The following FSTL5 variants were observed in gnomAD, a reference collection of about 807,000 sequenced individuals.
FSTL5 encodes follistatin like 5, also known as follistatin-related protein 5.
FSTL5 carries 62 observed loss-of-function variants against 89.1 expected under a neutral mutation model. The ratio of observed to expected loss-of-function variants is 0.70; its 90% CI spans 0.57 to 0.86. The LOEUF is 0.86. Ranked by LOEUF, FSTL5 falls within the 40% of genes least tolerant of loss-of-function variation. The pLI, the probability that FSTL5 is intolerant of heterozygous loss-of-function variation, is 0.00. For missense variants in FSTL5, 1,057 were observed against 1,001.6 expected, an observed-to-expected ratio of 1.06 and a Z score of -0.75; for synonymous variants, 383 against 346.2, an observed-to-expected ratio of 1.11 and a Z score of -1.18.
In FSTL5 at chr4:161,429,755, C is replaced by T. The variant is rs187991146; in HGVS notation, c.1841+25249G>A. ...GAAAGCCTTCCCAAGAAGGATAGTA[C>T]GAAGATCCCAGACTGTGAAAACTAC... On this transcript the variant is annotated intron_variant, in intron 15 of 15. Transcript: ENST00000306100. 1.1e-4 allele frequency among the ~76,000 whole-genome samples: 16 copies of T among 152,200 alleles called. No individual in the cohort carries two copies. The East Asian group carries it at 1.6e-3, about 15-fold the overall frequency.
At chr4:161,811,124 G>A (rs1334339353) in intron 4 of FSTL5, among the ~76,000 whole-genome samples, 1 of 152,054 alleles carries the variant, frequency 6.6e-6, no homozygotes, top group African/African-American at 2.4e-5. Flanking sequence ...TAAATAAAGA[G>A]AGGAGAAATG....
chr4:161,415,213 C>T (rs370740390), intron 15 of FSTL5, among the ~76,000 whole-genome samples: 9 of 151,364 alleles, frequency 5.9e-5, no homozygotes, highest in African/African-American at 2.2e-4. Flanking sequence ...TACAATGCTG[C>T]CCACCCCCAG....
chr4:161,498,002 A>C (rs1730146345), intron 12 of FSTL5, among the ~76,000 whole-genome samples: 2 of 151,764 alleles, frequency 1.3e-5, no homozygotes, highest in Non-Finnish European at 2.9e-5. Context: ...ATGTATGCAT[A>C]CATAAACATA....
chr4:161,831,356 A>G (rs1730838999), intron 4 of FSTL5, among the ~76,000 whole-genome samples: 1 of 151,890 alleles, frequency 6.6e-6, no homozygotes, highest in African/African-American at 2.4e-5. Context: ...ACATACCTCT[A>G]ATTACGTGTC....
At chr4:161,828,827 T>C (rs1730748928) in intron 4 of FSTL5, among the ~76,000 whole-genome samples, 1 of 152,064 alleles carries the variant, frequency 6.6e-6, no homozygotes, top group South Asian at 2.1e-4. Context: ...GCTTATTAGT[T>C]TTACAGTGCT....
intron 3 of FSTL5, among the ~76,000 whole-genome samples, chr4:161,974,648 C>T (rs186864659): frequency 0.1 from 12,552 of 119,652 alleles, 700 homozygotes; most frequent in East Asian, 0.2. Flanking sequence ...CCATAAAAAC[C>T]CTAGAAGAAA....
chr4:161,691,881 C>T (rs1271696674), intron 6 of FSTL5, among the ~76,000 whole-genome samples: 1 of 151,818 alleles, frequency 6.6e-6, no homozygotes, highest in Non-Finnish European at 1.5e-5. Flanking sequence ...TGCATCTATG[C>T]TGATTTTTTT....
At chr4:161,777,864 C>T (rs901414777) in intron 4 of FSTL5, among the ~76,000 whole-genome samples, 6 of 151,670 alleles carry the variant, frequency 4.0e-5, no homozygotes, top group Admixed American at 1.3e-4. Flanking sequence ...AAGGCTGAGG[C>T]AGGGGAATCA....
intron 15 of FSTL5, among the ~76,000 whole-genome samples, chr4:161,393,347 C>A (rs1463063854): frequency 1.3e-5 from 2 of 151,708 alleles, no homozygotes; most frequent in Non-Finnish European, 1.5e-5. Flanking sequence ...GCACAATCTA[C>A]TATGTGTGTA....
rs1730023198 is a variant in FSTL5, at chr4:161,495,184, A to G, written c.1458+4832T>C. The G allele has an allele frequency of 5.9e-5, 9 of 152,174 alleles. No individual in the cohort carries two copies. In the South Asian group the frequency reaches 1.7e-3, roughly 28 times the overall value. The allele number at this position is 152,174 out of a possible 1,614,324, so 9.4% of individuals were successfully genotyped here. ...AAAGTTATTTTAGGACCCATTAAAT[A>G]ATAAGTAATACCATGGCATATGTGA... is the stretch of plus-strand genomic sequence containing the variant. On this transcript the variant is annotated intron_variant, in intron 12 of 15. Coordinates refer to ENST00000306100, the MANE Select transcript of FSTL5 (RefSeq NM_020116.5).
intron 7 of FSTL5, among the ~76,000 whole-genome samples, chr4:161,632,604 T>A (rs1312504590): frequency 6.6e-6 from 1 of 152,222 alleles, no homozygotes; most frequent in Non-Finnish European, 1.5e-5. Context: ...CTTGTGCATT[T>A]AACTCTGTGA....
chr4:161,606,178 A>G (rs1295839988), intron 7 of FSTL5, among the ~76,000 whole-genome samples: 1 of 151,892 alleles, frequency 6.6e-6, no homozygotes, highest in Non-Finnish European at 1.5e-5. Flanking sequence ...GTGAAGTTCA[A>G]TCGAGATCGG....
At chr4:162,053,453 A>G (rs1252869337) in intron 2 of FSTL5, among the ~76,000 whole-genome samples, 4 of 151,814 alleles carry the variant, frequency 2.6e-5, no homozygotes, top group Non-Finnish European at 4.4e-5. Flanking sequence ...CAAAATTCTC[A>G]AAGAGAACTA....
chr4:161,665,141 A>T (rs554483673), intron 6 of FSTL5, among the ~76,000 whole-genome samples: 1 of 152,236 alleles, frequency 6.6e-6, no homozygotes, highest in Non-Finnish European at 1.5e-5. Context: ...CAATTTACCA[A>T]TGTAACAAAC....
chr4:162,043,109 A>G (rs948920564), intron 2 of FSTL5: 1 of 152,140 alleles, frequency 6.6e-6, no homozygotes, highest in Non-Finnish European at 1.5e-5. Flanking sequence ...AAAAAACAAA[A>G]CAAACAACAA....
chr4:161,415,699 G>C (rs77835790), intron 15 of FSTL5, among the ~76,000 whole-genome samples: 6,892 of 149,518 alleles, frequency 0.046, 403 homozygotes, highest in East Asian at 0.19. Flanking sequence ...GAAAGAGAGA[G>C]AGAGAGAACA....
chr4:161,543,466 A>T (rs1731901734), intron 8 of FSTL5, among the ~76,000 whole-genome samples: 2 of 151,978 alleles, frequency 1.3e-5, no homozygotes, highest in Non-Finnish European at 2.9e-5. Context: ...TCGAGAAATT[A>T]AAAAAACTTA....
At chr4:162,042,647 A>C (rs75151456) in intron 2 of FSTL5, among the ~76,000 whole-genome samples, 1 of 152,064 alleles carries the variant, frequency 6.6e-6, no homozygotes, top group African/African-American at 2.4e-5. Context: ...CTTTTAAAAA[A>C]CCTATCCATG....
At chr4:161,984,122 T>C (rs1375882886) in intron 3 of FSTL5, among the ~76,000 whole-genome samples, 1 of 152,214 alleles carries the variant, frequency 6.6e-6, no homozygotes, top group East Asian at 1.9e-4. Context: ...AAATACAATA[T>C]TCTAATGGTT....
Sources: allele counts gnomAD v4.1 joint callset (sites outside exome capture counted in the v4.1 genomes callset), GRCh38; gene constraint gnomAD v4.1.1; transcripts MANE v1.5; gene names NCBI Gene and HGNC (gene_info 2026-07-23, HGNC 2026-07-21).